The following DNM3 variants were observed in gnomAD, a reference collection of about 807,000 sequenced individuals.
DNM3 encodes the protein dynamin-3.
A neutral mutation model predicts 101.6 loss-of-function variants in DNM3; 47 were observed. The ratio of observed to expected loss-of-function variants is 0.46; its 90% CI spans 0.37 to 0.59. DNM3 has a LOEUF of 0.59. Ranked by LOEUF, DNM3 falls within the 20% of genes least tolerant of loss-of-function variation. DNM3 has a pLI of 0.00. For synonymous variants in DNM3, 385 were observed against 387.9 expected (o/e 0.99, Z 0.09); for missense variants, 849 against 1,085.7 (o/e 0.78, Z 3.06).
At chr1:172,062,743 C>G (rs2051338784) in intron 10 of DNM3, among the ~76,000 whole-genome samples, 1 of 152,154 alleles carries the variant, frequency 6.6e-6, no homozygotes, top group African/African-American at 2.4e-5. Flanking sequence ...TCCCATTAAC[C>G]CCTGTACAAC....
At chr1:172,225,673 G>A (rs929756027) in intron 14 of DNM3, among the ~76,000 whole-genome samples, 1 of 151,494 alleles carries the variant, frequency 6.6e-6, no homozygotes, top group South Asian at 2.1e-4. Flanking sequence ...GTAACATCTT[G>A]AGCCCAGGAG....
At chr1:171,923,016 T>A (rs2040299877) in intron 2 of DNM3, among the ~76,000 whole-genome samples, 1 of 152,248 alleles carries the variant, frequency 6.6e-6, no homozygotes, top group South Asian at 2.1e-4. Context: ...AACATTCATG[T>A]ACATGTTTCT....
chr1:171,903,059 G>A (rs1175014427), intron 1 of DNM3, among the ~76,000 whole-genome samples: 1 of 152,068 alleles, frequency 6.6e-6, no homozygotes, highest in Non-Finnish European at 1.5e-5. Context: ...GGAGGATGGG[G>A]TGGGAGGATT....
In DNM3 at chr1:172,167,939, A is replaced by G. The variant is rs73041219; in HGVS notation, c.1659+36651A>G. Among the ~76,000 whole-genome samples, 826 of 151,974 alleles carry G rather than the reference A, an allele frequency of 5.4e-3. 8 individuals carry two copies. The highest frequency in any genetic ancestry group is 0.019 in the African/African-American group (795 of 41,486). On this transcript the variant is annotated intron_variant, in intron 14 of 20. Transcript: ENST00000627582. ...CACAGTAAGATTTTTTTTAAGTGCA[A>G]TTTCCTGCAAAGTGGAGATTAATTC...
intron 10 of DNM3, among the ~76,000 whole-genome samples, chr1:172,061,353 T>C (rs1264663715): frequency 6.8e-6 from 1 of 147,826 alleles, no homozygotes; most frequent in Non-Finnish European, 1.5e-5. Flanking sequence ...ACTGGGTATG[T>C]ACCCAAAGGA....
intron 14 of DNM3, among the ~76,000 whole-genome samples, chr1:172,134,977 T>C (rs776313823): frequency 6.6e-6 from 1 of 152,146 alleles, no homozygotes; most frequent in Admixed American, 6.6e-5. Flanking sequence ...TGATAAGATT[T>C]GAATTCTTTA....
At chr1:172,363,024 A>G (rs2067827662) in intron 17 of DNM3, among the ~76,000 whole-genome samples, 1 of 151,300 alleles carries the variant, frequency 6.6e-6, no homozygotes, top group African/African-American at 2.4e-5. Context: ...CACCTCCTTA[A>G]CTGTGAATAT....
chr1:172,029,575 G>T (rs576120464), intron 4 of DNM3, among the ~76,000 whole-genome samples: 82 of 152,266 alleles, frequency 5.4e-4, no homozygotes, highest in African/African-American at 1.9e-3. Context: ...GCAAGAGAAA[G>T]AAATAAAGCG....
chr1:171,922,600 T>G (rs183855032), intron 2 of DNM3, among the ~76,000 whole-genome samples: 13 of 152,244 alleles, frequency 8.5e-5, no homozygotes, highest in Non-Finnish European at 1.5e-4. Flanking sequence ...GATTTTAGTC[T>G]TTTCACAGAT....
intron 14 of DNM3, among the ~76,000 whole-genome samples, chr1:172,245,083 TC>T (rs1216995297): frequency 2.6e-5 from 4 of 152,174 alleles, no homozygotes; most frequent in Non-Finnish European, 4.4e-5. Context: ...AGGGGGCTGT[TC>T]ATATGTTCAT....
chr1:172,077,889 T>G (rs1276525471), intron 11 of DNM3, among the ~76,000 whole-genome samples: 1 of 152,178 alleles, frequency 6.6e-6, no homozygotes, highest in East Asian at 1.9e-4. Context: ...TGTCTAATAT[T>G]GACAGTGGGG....
intron 4 of DNM3, among the ~76,000 whole-genome samples, chr1:171,992,624 T>G (rs2125635204): frequency 6.6e-6 from 1 of 152,286 alleles, no homozygotes; most frequent in South Asian, 2.1e-4. Context: ...TTAGAACTGC[T>G]GCTCCACCAT....
rs536957386 is a variant in DNM3, at chr1:172,293,768, C to T, written c.1770-14960C>T. 1.4e-4 allele frequency among the ~76,000 whole-genome samples: 22 copies of T among 152,182 alleles called. No homozygotes were observed. In the South Asian group the frequency reaches 4.6e-3, roughly 32 times the overall value. ...CTTTGACCCTCTTCTAATGTTTCAA[C>T]CAGATAATTATTTTCCCTCTCAAGA... On this transcript the variant is annotated intron_variant, in intron 15 of 20. Coordinates refer to ENST00000627582, the MANE Select transcript of DNM3 (RefSeq NM_015569.5).
intron 17 of DNM3, among the ~76,000 whole-genome samples, chr1:172,367,487 C>G (rs2068083635): frequency 6.6e-6 from 1 of 151,636 alleles, no homozygotes; most frequent in Admixed American, 6.6e-5. Flanking sequence ...TGTCAGAACA[C>G]CACCAAACTG....
At chr1:171,987,303 T>G in intron 2 of DNM3, 1 of 985,344 alleles carries the variant, frequency 1.0e-6, no homozygotes, top group Non-Finnish European at 1.2e-6. Context: ...CTAACAGAAC[T>G]CAGAGGTATC....
intron 2 of DNM3, among the ~76,000 whole-genome samples, chr1:171,954,006 A>T (rs12024869): frequency 0.25 from 37,796 of 152,058 alleles, 5,676 homozygotes; most frequent in Admixed American, 0.35. Context: ...TACTGCATGC[A>T]ATCCCTGTGG....
At chr1:172,178,278 A>G (rs903287090) in intron 14 of DNM3, among the ~76,000 whole-genome samples, 3 of 152,008 alleles carry the variant, frequency 2.0e-5, no homozygotes, top group Non-Finnish European at 2.9e-5. Context: ...GAAGAAAAAA[A>G]TCCAATTCCA....
chr1:172,099,922 G>C (rs973115055), intron 13 of DNM3, among the ~76,000 whole-genome samples: 2 of 152,218 alleles, frequency 1.3e-5, no homozygotes, highest in Non-Finnish European at 2.9e-5. Flanking sequence ...TTAGGGGCCA[G>C]GAGGACTGAT....
chr1:171,921,771 G>T lies in DNM3; in HGVS notation c.185G>T (p.Gly62Val). The T allele has an allele frequency of 1.3e-6, 2 of 1,599,492 alleles. No homozygotes were observed. The highest frequency in any genetic ancestry group is 1.7e-6 in the Non-Finnish European group (2 of 1,172,122). The part of the protein sequence containing the change: ...VGRDFLPRGS[G>V]IVTRRPLVLQ... ...AGGGACTTTCTCCCTCGAGGGTCGG[G>T]CATTGTAACAAGACGACCTCTTGTG... Residue 62 changes from glycine (G) to valine (V), a missense_variant, in exon 2 of 21, where the codon GGC (glycine) becomes GTC (valine). By Grantham distance (109) the Gly-to-Val change is moderately radical (BLOSUM62 -3). Around this residue, in one of 5 missense-constraint regions of DNM3, gnomAD observed 388 missense variants for 483.0 expected, o/e 0.80. Coordinates refer to ENST00000627582, the MANE Select transcript of DNM3 (RefSeq NM_015569.5).
Sources: gnomAD v4.1 joint callset for allele counts (sites outside exome capture counted in the v4.1 genomes callset) on GRCh38, gnomAD v4.1.1 for gene constraint, gnomAD v4.1.1 regional missense constraint, MANE v1.5 for transcripts, NCBI Gene and HGNC (gene_info 2026-07-23, HGNC 2026-07-21) for gene names.